The following TRIM37 variants were observed in gnomAD, a reference collection of about 807,000 sequenced individuals.
TRIM37 encodes the protein E3 ubiquitin-protein ligase TRIM37.
A neutral mutation model predicts 129.8 loss-of-function variants in TRIM37; 80 were observed. The observed-to-expected ratio is 0.62, with a 90% CI of 0.51 to 0.74. The LOEUF is 0.74. TRIM37 is among the 30% of genes least tolerant of loss of function. The pLI is 0.00. For synonymous variants in TRIM37, 389 were observed against 387.1 expected, an observed-to-expected ratio of 1.00 and a Z score of -0.06; for missense variants, 1,054 against 1,176.5, an observed-to-expected ratio of 0.90 and a Z score of 1.52.
At chr17:59,075,563 C>CAAA (rs34467573) in intron 8 of TRIM37, 84 bp downstream of exon 8, 2,760 of 487,010 alleles carry the variant, frequency 5.7e-3, no homozygotes, top group Middle Eastern at 8.9e-3. Context: ...GACTCCATCT[C>CAAA]AAAAAAAAAA....
At chr17:59,049,524 ACT>A (rs1599160599) in intron 14 of TRIM37, 131 bp from the exon 15 acceptor site, 1 of 860,026 alleles carries the variant, frequency 1.2e-6, no homozygotes, top group East Asian at 2.6e-5. Flanking sequence ...GAATGGTCTC[ACT>A]CTGTTGCCCA....
In TRIM37 at chr17:59,042,430, TTAAAAAAAAAAAAAAA is replaced by T. The variant is rs1344129338; in HGVS notation, c.1668-548_1668-533del. Among the ~76,000 whole-genome samples, 60 of 92,136 alleles carry T rather than the reference TTAAAAAAAAAAAAAAA, an allele frequency of 6.5e-4. 2 individuals carry two copies. Among genetic ancestry groups the T allele is most frequent in the Non-Finnish European group, 9.1e-4 (47 of 51,396 alleles). The allele number at this position is 92,136 out of a possible 152,430, so 60.4% of individuals were successfully genotyped here. On this transcript the variant is annotated intron_variant, in intron 16 of 23. Coordinates refer to ENST00000262294, the MANE Select transcript of TRIM37 (RefSeq NM_015294.6). ...TTAGAAAGCTAAGAAAAAAAGGAAT[TTAAAAAAAAAAAAAAA>T]AAAATATATATATATATATATATAT...
rs113609806 is a variant in TRIM37 at position 59,079,838 on chromosome 17, G to A, written c.532C>T (p.Arg178Cys). 3 of 1,613,758 alleles carry A rather than the reference G, an allele frequency of 1.9e-6. No individual in the cohort carries two copies. Among genetic ancestry groups the A allele is most frequent in the Admixed American group, 1.7e-5 (1 of 59,970 alleles). Residue 178 changes from arginine (R) to cysteine (C), a missense_variant, in exon 7 of 24, where the codon CGT becomes TGT. By Grantham distance (180) the Arg-to-Cys change is radical. This residue lies in a region of TRIM37 where 752 missense variants were observed against 870.8 expected (regional missense o/e 0.86). Transcript: ENST00000262294. ...VEAVRNAKDE[R>C]VREIRNAVEM... is the part of the protein sequence containing the mutation. ...ACTGCATTCCTAATTTCCCGAACAC[G>A]CTCATCTTTTGCATTTCTTACAGCT... is the stretch of plus-strand genomic sequence containing the variant.
the TRIM37 span, chr17:58,972,372 A>G: frequency 2.3e-6 from 3 of 1,278,000 alleles, no homozygotes; most frequent in South Asian, 3.0e-5. Flanking sequence ...TTTTTTTGAG[A>G]TGGAGTTTCA....
At chr17:58,992,253 A>G (rs2144150811) in intron 24 of TRIM37, among the ~76,000 whole-genome samples, 1 of 145,666 alleles carries the variant, frequency 6.9e-6, no homozygotes, top group Middle Eastern at 3.6e-3. Flanking sequence ...ACTGATATAT[A>G]TATATATAAA....
Position 59,017,422 on chromosome 17 carries a change from T to C in TRIM37, c.2260A>G (p.Thr754Ala), listed in dbSNP as rs372392398. The C allele has an allele frequency of 1.9e-6, 3 of 1,613,902 alleles. No homozygotes were observed. The African/African-American group carries it at 4.0e-5, about 22-fold the overall frequency. ...TTGGGCGAATTACTCTTCTTATTTG[T>C]GGCTGCAAAGACATTTAAGAACACC... ...SVANCYIRNSTNKKSNSPKPA... is the reference protein window; with the variant it reads ...SVANCYIRNSANKKSNSPKPA... Residue 754 changes from threonine (T) to alanine (A), a missense_variant and splice_region_variant, in exon 20 of 24, where the codon ACA becomes GCA. This residue lies in a region of TRIM37 where 287 missense variants were observed against 274.3 expected (regional missense o/e 1.05). Coordinates refer to ENST00000262294, the MANE Select transcript of TRIM37 (RefSeq NM_015294.6).
At chr17:58,981,037 C>T (rs746712942), downstream of TRIM37, 5 of 1,570,036 alleles carry the variant, frequency 3.2e-6, no homozygotes, top group South Asian at 6.0e-5. Flanking sequence ...AATAATTTTT[C>T]TTTCAAGTAG....
downstream of TRIM37, among the ~76,000 whole-genome samples, chr17:58,993,637 G>A (rs1486807009): frequency 6.6e-6 from 1 of 152,198 alleles, no homozygotes; most frequent in African/African-American, 2.4e-5. Context: ...GTGGGGAAGG[G>A]GGGTGGTTAC....
At chr17:59,000,422 A>G (rs1002205020) in intron 23 of TRIM37, among the ~76,000 whole-genome samples, 1 of 152,280 alleles carries the variant, frequency 6.6e-6, no homozygotes, top group Middle Eastern at 3.4e-3. Flanking sequence ...CAACATGGTG[A>G]AACCCTGTCT....
rs751852215 is a variant in TRIM37 at position 59,084,095 on chromosome 17, C to T, written c.282-6G>A. On this transcript the variant is annotated splice_polypyrimidine_tract_variant and splice_region_variant and intron_variant, in intron 4 of 23. Coordinates refer to ENST00000262294, the MANE Select transcript of TRIM37 (RefSeq NM_015294.6). The stretch of plus-strand genomic sequence containing the variant: ...TTTCATGGTGATTTTCACATCTATA[C>T]ATTATGAAAAGAAAATGAAGTTATA... 8.1e-6 allele frequency: 13 copies of T among 1,603,820 alleles called. No homozygotes were observed. In the South Asian group the frequency reaches 1.2e-4, roughly 15 times the overall value.
At chr17:59,105,717 G>A (rs756882041) in intron 1 of TRIM37, among the ~76,000 whole-genome samples, 4 of 152,128 alleles carry the variant, frequency 2.6e-5, no homozygotes, top group East Asian at 1.9e-4. Flanking sequence ...AACCTGCAAC[G>A]GGGTGGACAA....
chr17:59,020,535 G>A (rs775167150), intron 19 of TRIM37, among the ~76,000 whole-genome samples: 123 of 151,860 alleles, frequency 8.1e-4, no homozygotes, highest in Non-Finnish European at 1.5e-3. Context: ...GTTTTTCTTG[G>A]AAAACTATAG....
chr17:59,044,602 G>A (rs2039582093), intron 16 of TRIM37, among the ~76,000 whole-genome samples: 1 of 152,020 alleles, frequency 6.6e-6, no homozygotes, highest in Non-Finnish European at 1.5e-5. Flanking sequence ...AAAGTCATGC[G>A]CAGACATTTT....
intron 22 of TRIM37, among the ~76,000 whole-genome samples, chr17:59,006,391 A>C (rs571733840): frequency 1.3e-5 from 2 of 152,348 alleles, no homozygotes; most frequent in South Asian, 2.1e-4. Context: ...AGCTAACTTG[A>C]GTTATAACTC....
chr17:59,046,675 T>A (rs1299787521), intron 16 of TRIM37, among the ~76,000 whole-genome samples: 2 of 151,610 alleles, frequency 1.3e-5, no homozygotes. Context: ...TAGCTGGGAC[T>A]ACAGGCGCCT....
intron 9 of TRIM37, among the ~76,000 whole-genome samples, chr17:59,069,906 C>T (rs2042226589): frequency 6.6e-6 from 1 of 152,204 alleles, no homozygotes; most frequent in African/African-American, 2.4e-5. Flanking sequence ...AAGAAGGCAG[C>T]TGTCTGCAAG....
At chr17:59,017,233 C>T (rs2036057785) in intron 20 of TRIM37, 63 bp downstream of exon 20, 1 of 1,587,556 alleles carries the variant, frequency 6.3e-7, no homozygotes, top group African/African-American at 1.3e-5. Context: ...TCCACGATAA[C>T]ATCAATTTCA....
chr17:59,084,224 T>C (rs934571611), intron 4 of TRIM37, 135 bp from the exon 5 acceptor site: 15 of 703,636 alleles, frequency 2.1e-5, no homozygotes, highest in African/African-American at 1.4e-4. Context: ...ATGTACTCCA[T>C]GGCTTCTGAA....
At chr17:59,033,277 A>G (rs2038086795) in intron 17 of TRIM37, among the ~76,000 whole-genome samples, 1 of 152,170 alleles carries the variant, frequency 6.6e-6, no homozygotes, top group African/African-American at 2.4e-5. Flanking sequence ...AAGCCAATTA[A>G]TAATTTATGC....
Sources: allele counts gnomAD v4.1 joint callset (sites outside exome capture counted in the v4.1 genomes callset), GRCh38; gene constraint gnomAD v4.1.1; regional missense constraint gnomAD v4.1.1; transcripts MANE v1.5; gene names NCBI Gene and HGNC (gene_info 2026-07-23, HGNC 2026-07-21).